PRKG1: variants seen among roughly 807,000 people sequenced by gnomAD.
The protein encoded by PRKG1 is protein kinase cGMP-dependent 1, also known as cGMP-dependent protein kinase 1.
Under a neutral mutation model 88.1 loss-of-function variants are expected in PRKG1, and 35 were observed. That is an observed-to-expected ratio of 0.40 (90% CI 0.30 to 0.53). PRKG1 has a LOEUF of 0.53. Ranked by LOEUF, PRKG1 falls within the 20% of genes least tolerant of loss-of-function variation. PRKG1 has a pLI of 0.59. For missense variants in PRKG1, 540 were observed against 839.8 expected, an observed-to-expected ratio of 0.64 and a Z score of 4.41; for synonymous variants, 303 against 292.5, an observed-to-expected ratio of 1.04 and a Z score of -0.37.
chr10:50,993,395 A>T (rs1842801705), intron 1 of PRKG1, among the ~76,000 whole-genome samples: 1 of 152,226 alleles, frequency 6.6e-6, no homozygotes, highest in South Asian at 2.1e-4. Context: ...GTTGGATGGA[A>T]CAGTGGCATT....
At chr10:51,226,377 C>A (rs966976524) in intron 2 of PRKG1, among the ~76,000 whole-genome samples, 6 of 152,100 alleles carry the variant, frequency 3.9e-5, no homozygotes, top group Non-Finnish European at 5.9e-5. Context: ...AGTTAATTGG[C>A]TGATAGATTA....
At chr10:51,507,044 T>A (rs577932200) in intron 3 of PRKG1, among the ~76,000 whole-genome samples, 25 of 150,736 alleles carry the variant, frequency 1.7e-4, no homozygotes, top group African/African-American at 6.1e-4. Context: ...AGCAAACTAG[T>A]GCAAGGACAA....
At chr10:51,764,147 G>A (rs539941692) in intron 3 of PRKG1, among the ~76,000 whole-genome samples, 1 of 152,058 alleles carries the variant, frequency 6.6e-6, no homozygotes, top group South Asian at 2.1e-4. Flanking sequence ...AGGATTACAG[G>A]CTTTTCCCTC....
At chr10:51,699,171 A>C (rs1343412476) in intron 3 of PRKG1, 3 of 1,614,112 alleles carry the variant, frequency 1.9e-6, no homozygotes, top group Non-Finnish European at 2.5e-6. Flanking sequence ...CTGGTAATCG[A>C]TTCAGGGGCA....
chr10:52,151,664 T>A (rs898589857), intron 8 of PRKG1, among the ~76,000 whole-genome samples: 2 of 152,166 alleles, frequency 1.3e-5, no homozygotes, highest in Admixed American at 1.3e-4. Context: ...AAAAAGTATG[T>A]CCATTGCATG....
At chr10:52,277,991 A>T (rs1407327724) in intron 12 of PRKG1, among the ~76,000 whole-genome samples, 1 of 152,142 alleles carries the variant, frequency 6.6e-6, no homozygotes, top group African/African-American at 2.4e-5. Flanking sequence ...CTCAAATCAC[A>T]ATTAGACAGT....
At chr10:52,119,776 T>C (rs1847772120) in intron 7 of PRKG1, among the ~76,000 whole-genome samples, 1 of 152,192 alleles carries the variant, frequency 6.6e-6, no homozygotes, top group South Asian at 2.1e-4. Context: ...AGAACAGGAA[T>C]TTATTTTTTA....
chr10:51,886,103 G>A (rs965742808), intron 4 of PRKG1, among the ~76,000 whole-genome samples: 18 of 152,110 alleles, frequency 1.2e-4, no homozygotes, highest in Admixed American at 7.2e-4. Flanking sequence ...ATAGCTCACT[G>A]CAACCTTGAA....
intron 1 of PRKG1, among the ~76,000 whole-genome samples, chr10:51,097,305 T>C (rs2339674): frequency 0.8 from 122,042 of 152,050 alleles, 49,429 homozygotes; most frequent in South Asian, 0.88. Flanking sequence ...TCACTGCAAC[T>C]TCCGCCCCCT....
intron 5 of PRKG1, among the ~76,000 whole-genome samples, chr10:51,976,394 C>A (rs1843833420): frequency 6.6e-6 from 1 of 151,880 alleles, no homozygotes; most frequent in African/African-American, 2.4e-5. Flanking sequence ...TGTGATATAT[C>A]TACACAATGG....
At chr10:51,539,160 T>A (rs1401786542) in intron 3 of PRKG1, among the ~76,000 whole-genome samples, 1 of 152,168 alleles carries the variant, frequency 6.6e-6, no homozygotes, top group Non-Finnish European at 1.5e-5. Flanking sequence ...TTTGCCTTTT[T>A]GTTTATGTTC....
chr10:51,941,701 G>T (rs1564718655), intron 5 of PRKG1, among the ~76,000 whole-genome samples: 1 of 150,316 alleles, frequency 6.7e-6, no homozygotes, highest in Non-Finnish European at 1.5e-5. Context: ...AGAACATGTG[G>T]TGTTTGGTTT....
At chr10:51,234,004 T>C (rs1432578155) in intron 2 of PRKG1, among the ~76,000 whole-genome samples, 2 of 152,144 alleles carry the variant, frequency 1.3e-5, no homozygotes, top group Non-Finnish European at 2.9e-5. Flanking sequence ...AGAGTTAGAA[T>C]TGAAATGCAT....
At chr10:51,377,559 C>A (rs574110977) in intron 2 of PRKG1, among the ~76,000 whole-genome samples, 4 of 151,956 alleles carry the variant, frequency 2.6e-5, no homozygotes, top group East Asian at 1.9e-4. Context: ...AAGCGGGCAC[C>A]TATGGGTCAT....
rs1837331395 is a variant in PRKG1, at chr10:52,133,910, GTACA to G, written c.1001+7_1001+10del. 1 of 1,610,374 alleles carries G rather than the reference GTACA, an allele frequency of 6.2e-7. No homozygotes were observed. Among genetic ancestry groups the G allele is most frequent in the African/African-American group, 1.3e-5 (1 of 74,834 alleles). ...CTGCCTTGTGATTGACAGAGAGTAA[GTACA>G]TTGTTTTATTATGTGAATTACACAC... On this transcript the variant is annotated splice_donor_region_variant and intron_variant, in intron 8 of 17. Transcript: ENST00000373980.
Position 51,246,291 on chromosome 10 carries a change from A to T in PRKG1, c.478+92961A>T, listed in dbSNP as rs117737630. Among the ~76,000 whole-genome samples, 149 of 152,222 alleles carry T rather than the reference A, an allele frequency of 9.8e-4. 1 individual carries two copies. In the East Asian group the frequency reaches 0.028, roughly 28 times the overall value. ...AAGGAACTAATAAAAAGTTGTTTTG[A>T]TAGAAACTGAAGCTGAAAAGAAATG... On this transcript the variant is annotated intron_variant, in intron 2 of 17. Coordinates refer to ENST00000373980, the MANE Select transcript of PRKG1 (RefSeq NM_006258.4).
intron 4 of PRKG1, among the ~76,000 whole-genome samples, chr10:51,806,909 T>C (rs1268518314): frequency 6.6e-6 from 1 of 151,724 alleles, no homozygotes; most frequent in African/African-American, 2.4e-5. Context: ...TCCGTCACTG[T>C]CAATGTTCAA....
chr10:51,983,808 G>A (rs538216075), intron 5 of PRKG1, among the ~76,000 whole-genome samples: 83 of 152,290 alleles, frequency 5.5e-4, no homozygotes, highest in African/African-American at 1.9e-3. Flanking sequence ...AAGAGCTTGC[G>A]CCTTTGCCAG....
chr10:52,053,451 G>C (rs1324346473), intron 5 of PRKG1, among the ~76,000 whole-genome samples: 1 of 152,102 alleles, frequency 6.6e-6, no homozygotes, highest in African/African-American at 2.4e-5. Context: ...TCAGTCTAAT[G>C]GATACTGCAT....
Sources: gnomAD v4.1 joint callset for allele counts (sites outside exome capture counted in the v4.1 genomes callset) on GRCh38, gnomAD v4.1.1 for gene constraint, MANE v1.5 for transcripts, NCBI Gene and HGNC (gene_info 2026-07-23, HGNC 2026-07-21) for gene names.